The following REL variants were observed in gnomAD, a reference collection of about 807,000 sequenced individuals.
The protein encoded by REL is REL proto-oncogene, NF-kB subunit.
Under a neutral mutation model 45.9 loss-of-function variants are expected in REL, and 15 were observed. That is an observed-to-expected ratio of 0.33 (90% CI 0.22 to 0.50). The LOEUF is 0.50. REL is among the 20% of genes least tolerant of loss of function. The pLI is 0.98. For missense variants in REL, 601 were observed against 715.2 expected (o/e 0.84, Z 1.82); for synonymous variants, 239 against 242.1 (o/e 0.99, Z 0.12).
chr2:60,882,902 G>C (rs1448256668), intron 1 of REL, among the ~76,000 whole-genome samples: 1 of 152,056 alleles, frequency 6.6e-6, no homozygotes, highest in Non-Finnish European at 1.5e-5. Flanking sequence ...CTTTGGGGGG[G>C]AATAAGTTTG....
chr2:60,885,566 GAAAGTCAGCCTGATGTATTGGAGTAAT>G (rs950737470), intron 1 of REL, among the ~76,000 whole-genome samples: 6 of 152,162 alleles, frequency 3.9e-5, no homozygotes, highest in African/African-American at 1.4e-4. Context: ...AGGCCCAGTT[GAAAGTCAGCCTGATGTATTGGAGTAAT>G]AAAGTCAGCC....
At chr2:60,921,243 GAATT>G (rs1674132934) in intron 9 of REL, among the ~76,000 whole-genome samples, 1 of 152,208 alleles carries the variant, frequency 6.6e-6, no homozygotes, top group East Asian at 1.9e-4. Context: ...AATAGATACA[GAATT>G]AATTTTTTCT....
chr2:60,922,940 A>G lies in REL; in HGVS notation c.*405A>G, dbSNP rs1282586181. 2 of 160,966 alleles carry G rather than the reference A, an allele frequency of 1.2e-5. No individual in the cohort carries two copies. Among genetic ancestry groups the G allele is most frequent in the African/African-American group, 4.8e-5 (2 of 41,576 alleles). The allele number at this position is 160,966 out of a possible 1,614,324, so 10.0% of individuals were successfully genotyped here. Reference sequence around the variant, plus strand: ...GTGCCTGTACTGTCAGCTACTTGGGAGGCTGAGGCACAATAATTGTTTGAA... The same window carrying G: ...GTGCCTGTACTGTCAGCTACTTGGGGGGCTGAGGCACAATAATTGTTTGAA... On this transcript the variant is annotated 3_prime_UTR_variant, in exon 10 of 10. Coordinates refer to ENST00000394479, the MANE Select transcript of REL (RefSeq NM_001291746.2).
In REL at chr2:60,881,830, G is replaced by A. The variant is rs1456921257; in HGVS notation, c.-11G>A. 7.2e-6 allele frequency: 11 copies of A among 1,521,566 alleles called. No homozygotes were observed. In the East Asian group the frequency reaches 2.1e-4, roughly 29 times the overall value. 94.3% of individuals were successfully genotyped at this position (1,521,566 alleles called of 1,614,324 possible). On this transcript the variant is annotated 5_prime_UTR_variant, in exon 1 of 10. Coordinates refer to ENST00000394479, the MANE Select transcript of REL (RefSeq NM_001291746.2). ...GGGAGCTGCCTGCGGGAAGGTGCGG[G>A]GAGCGGAGCCATGGCCTCCGGTGAG...
chr2:60,889,443 A>G lies in REL; in HGVS notation c.11-2240A>G, dbSNP rs1673151880. Among the ~76,000 whole-genome samples the G allele has an allele frequency of 2.0e-5, 3 of 152,216 alleles. No individual in the cohort carries two copies. In the South Asian group the frequency reaches 6.2e-4, roughly 32 times the overall value. On this transcript the variant is annotated intron_variant, in intron 1 of 9. Transcript: ENST00000394479. ...CATTGTTTTCAAGAAAGCATCTGAA[A>G]TAATAGACACCATTTTTTTTTATTT...
chr2:60,893,895 G>T (rs1277722366), intron 2 of REL, among the ~76,000 whole-genome samples: 1 of 152,208 alleles, frequency 6.6e-6, no homozygotes, highest in Admixed American at 6.5e-5. Context: ...AACTCAATTT[G>T]ATTTATTGCC....
intron 1 of REL, among the ~76,000 whole-genome samples, chr2:60,890,738 C>G (rs1165540917): frequency 1.3e-5 from 2 of 152,174 alleles, no homozygotes; most frequent in Non-Finnish European, 2.9e-5. Flanking sequence ...CAAGTTTTGA[C>G]ATATGTATAC....
At position 60,922,073 on chromosome 2, in the gene REL, C is replaced by T. The variant is rs370547359; in HGVS notation, c.1302C>T (p.Ala434=). The change falls in exon 10 of 10, where the codon GCC becomes GCT. Residue 434 remains alanine, a synonymous_variant. Transcript: ENST00000394479. ...NASNACIYNN[A]DDIVGMEASS... Reference sequence around the variant, plus strand: ...CTAATGCTTGCATTTACAACAATGCCGATGACATAGTCGGAATGGAAGCGT... The same window carrying T: ...CTAATGCTTGCATTTACAACAATGCTGATGACATAGTCGGAATGGAAGCGT... The T allele has an allele frequency of 4.3e-5, 70 of 1,613,976 alleles. No individual in the cohort carries two copies. The highest frequency in any genetic ancestry group is 1.6e-4 in the Middle Eastern group (1 of 6,084).
In REL at chr2:60,926,102, GC is replaced by G. The variant is rs1674261611; in HGVS notation, c.*3568del. On this transcript the variant is annotated 3_prime_UTR_variant, in exon 10 of 10. Coordinates refer to ENST00000394479, the MANE Select transcript of REL (RefSeq NM_001291746.2). ...TTAACACCTGCTTTTAGTATCTGAG[GC>G]ACTTTTTCTGAACTCTACTTGTGCA... 1 of 231,350 alleles carries G rather than the reference GC, an allele frequency of 4.3e-6. No individual in the cohort carries two copies. 14.3% of individuals were successfully genotyped at this position (231,350 alleles called of 1,614,324 possible). A position where few individuals can be genotyped will look rare whatever the true frequency, so the allele number is the denominator to read the frequency against.
chr2:60,901,253 T>C (rs1407411955), intron 4 of REL, among the ~76,000 whole-genome samples, 170 bp downstream of exon 4: 2 of 148,486 alleles, frequency 1.3e-5, no homozygotes, highest in African/African-American at 5.0e-5. Flanking sequence ...CCTCCCAGGT[T>C]CAAGCAATTC....
intron 2 of REL, among the ~76,000 whole-genome samples, chr2:60,893,288 A>C (rs938590027): frequency 2.6e-5 from 4 of 152,210 alleles, no homozygotes; most frequent in African/African-American, 9.6e-5. Context: ...GGAATTGCTG[A>C]ATTATAGAAT....
Position 60,922,602 on chromosome 2 carries a change from T to G in REL, c.*67T>G, listed in dbSNP as rs1674175241. The G allele has an allele frequency of 6.9e-7, 1 of 1,445,084 alleles. No individual in the cohort carries two copies. The highest frequency in any genetic ancestry group is 9.2e-7 in the Non-Finnish European group (1 of 1,092,594). The allele number at this position is 1,445,084 out of a possible 1,614,324, so 89.5% of individuals were successfully genotyped here. ...ATAGATGCAGCATTTTGTATTTGTCTAACTGGGGATATAATACTATATTTA... is the reference window on the plus strand; with the variant it reads ...ATAGATGCAGCATTTTGTATTTGTCGAACTGGGGATATAATACTATATTTA... On this transcript the variant is annotated 3_prime_UTR_variant, in exon 10 of 10. Coordinates refer to ENST00000394479, the MANE Select transcript of REL (RefSeq NM_001291746.2).
chr2:60,893,503 C>T (rs1174117755), intron 2 of REL, among the ~76,000 whole-genome samples: 1 of 152,126 alleles, frequency 6.6e-6, no homozygotes, highest in Non-Finnish European at 1.5e-5. Flanking sequence ...TCCTATGCAT[C>T]TCTATTTCTA....
Position 60,922,316 on chromosome 2 carries a change from C to G in REL, c.1545C>G (p.Gly515=), listed in dbSNP as rs778021781. 1 of 1,614,052 alleles carries G rather than the reference C, an allele frequency of 6.2e-7. No homozygotes were observed. The highest frequency in any genetic ancestry group is 1.7e-5 in the Admixed American group (1 of 60,006). ...HQMSSSSMSA[G]ANSNTTVFVS... is the part of the protein sequence containing the mutation. ...TGTCCTCTTCCAGTATGTCAGCAGG[C>G]GCCAATTCCAATACTACTGTTTTTG... Residue 515 remains glycine (G), a synonymous_variant, in exon 10 of 10, where the codon GGC becomes GGG. Coordinates refer to ENST00000394479, the MANE Select transcript of REL (RefSeq NM_001291746.2).
chr2:60,885,262 T>C (rs1000825030), intron 1 of REL, among the ~76,000 whole-genome samples: 2 of 152,232 alleles, frequency 1.3e-5, no homozygotes, highest in Non-Finnish European at 1.5e-5. Flanking sequence ...AAATATTGCA[T>C]GGGATAAAAT....
rs1417038468 is a variant in REL at position 60,881,643 on chromosome 2, G to C, written c.-198G>C. The C allele has an allele frequency of 1.9e-6, 1 of 523,484 alleles. No individual in the cohort carries two copies. Among genetic ancestry groups the C allele is most frequent in the Admixed American group, 3.7e-5 (1 of 26,842 alleles). 32.4% of individuals were successfully genotyped at this position (523,484 alleles called of 1,614,324 possible). A position where few individuals can be genotyped will look rare whatever the true frequency, so the allele number is the denominator to read the frequency against. On this transcript the variant is annotated 5_prime_UTR_variant, in exon 1 of 10. Transcript: ENST00000394479. ...GTGGACGGCGACGCTGGGTGACCCG[G>C]GGTGCAAGAATTCAGGGGTTGGGAA...
intron 8 of REL, 148 bp downstream of exon 8, chr2:60,920,257 A>G: frequency 8.9e-6 from 6 of 676,372 alleles, no homozygotes; most frequent in East Asian, 2.8e-5. Context: ...GCTGGAGTGC[A>G]GTAGGGCAAT....
At chr2:60,921,709 C>T (rs937157404) in intron 9 of REL, 54 bp from the exon 10 acceptor site, 6 of 1,462,652 alleles carry the variant, frequency 4.1e-6, no homozygotes, top group African/African-American at 2.8e-5. Context: ...TTTAGAAATG[C>T]TTTTTATAAT....
chr2:60,922,237 A>G lies in REL; in HGVS notation c.1466A>G (p.Asn489Ser), dbSNP rs1191944322. The G allele has an allele frequency of 6.2e-7, 1 of 1,613,290 alleles. No individual in the cohort carries two copies. The highest frequency in any genetic ancestry group is 8.5e-7 in the Non-Finnish European group (1 of 1,179,886). The change falls in exon 10 of 10, where the codon AAC becomes AGC. Residue 489 changes from asparagine (N) to serine (S), a missense_variant. Transcript: ENST00000394479. ...AGACTTCTGAGCATGAATCTTGAAA[A>G]CCCCTCATGTAATTCAGTGTTAGAC... Reference protein sequence around the residue: ...NPRLLSMNLENPSCNSVLDPR... With the variant: ...NPRLLSMNLESPSCNSVLDPR...
Sources: allele counts gnomAD v4.1 joint callset (sites outside exome capture counted in the v4.1 genomes callset), GRCh38; gene constraint gnomAD v4.1.1; transcripts MANE v1.5; gene names NCBI Gene and HGNC (gene_info 2026-07-23, HGNC 2026-07-21).